The following PLCG1 variants were observed in gnomAD, a reference collection of about 807,000 sequenced individuals.
PLCG1 encodes phospholipase C gamma 1.
Under a neutral mutation model 177.8 loss-of-function variants are expected in PLCG1, and 71 were observed. That is an observed-to-expected ratio of 0.40 (90% confidence interval 0.33 to 0.49). PLCG1 has a LOEUF of 0.49. PLCG1 is among the 20% of genes least tolerant of loss of function. PLCG1 has a pLI of 0.72. For missense variants in PLCG1, 1,281 were observed against 1,709.0 expected (o/e 0.75, Z 4.42); for synonymous variants, 658 against 647.9 (o/e 1.02, Z -0.24).
chr20:41,142,330 C>T (rs2034856912), intron 1 of PLCG1, among the ~76,000 whole-genome samples: 1 of 152,226 alleles, frequency 6.6e-6, no homozygotes, highest in Admixed American at 6.5e-5. Context: ...TTGGAGACAG[C>T]TATAGCCCTA....
chr20:41,163,836 G>T lies in PLCG1; in HGVS notation c.1010+3G>T. ...TGGATCTCCTCCTCGCACAACACGT[G>T]AGTGTGGCTCCTTCAGGCCCACCCA... On this transcript the variant is annotated splice_donor_region_variant and intron_variant, in intron 10 of 31. Coordinates refer to ENST00000685551, the MANE Select transcript of PLCG1 (RefSeq NM_002660.3). The surrounding 1 kb of genome is among the most constrained non-coding windows in gnomAD (Gnocchi z 5.2). The T allele has an allele frequency of 6.2e-7, 1 of 1,611,632 alleles. No individual in the cohort carries two copies. The highest frequency in any genetic ancestry group is 8.5e-7 in the Non-Finnish European group (1 of 1,177,686).
rs6102295 is a variant in PLCG1 at position 41,167,032 on chromosome 20, G to A, written c.2301+173G>A. ...GGGTACCAGGAGGGTGTCTGCAGGA[G>A]GGGACATCTGAGCAGCATCTTTAAG... On this transcript the variant is annotated intron_variant, in intron 19 of 31. Coordinates refer to ENST00000685551, the MANE Select transcript of PLCG1 (RefSeq NM_002660.3). This position sits in a 1 kb window ranked among gnomAD's most constrained non-coding sequence, Gnocchi z 4.4. Among the ~76,000 whole-genome samples the A allele has an allele frequency of 0.047, 7,166 of 152,220 alleles. 564 individuals carry two copies. The highest frequency in any genetic ancestry group is 0.17 in the African/African-American group (6,868 of 41,492).
Position 41,165,864 on chromosome 20 carries a change from G to A in PLCG1, c.1799+38G>A, listed in dbSNP as rs8122204. 13,657 of 1,466,282 alleles carry A rather than the reference G, an allele frequency of 9.3e-3. 1,084 individuals are homozygous for A. In the African/African-American group the frequency reaches 0.17, roughly 18 times the overall value. 90.8% of individuals were successfully genotyped at this position (1,466,282 alleles called of 1,614,324 possible). On this transcript the variant is annotated intron_variant, in intron 16 of 31. Transcript: ENST00000685551. This position sits in a 1 kb window ranked among gnomAD's most constrained non-coding sequence, Gnocchi z 6.6. Reference sequence around the variant, plus strand: ...ATGCAGATGCGTATGTTCAGTCAGCGTGTGTACACAGACATCACATCACCC... The same window carrying A: ...ATGCAGATGCGTATGTTCAGTCAGCATGTGTACACAGACATCACATCACCC...
intron 24 of PLCG1, chr20:41,170,535 A>C (rs563301728): frequency 2.4e-6 from 1 of 408,954 alleles, no homozygotes; most frequent in South Asian, 3.5e-5. Flanking sequence ...ACAAGACCAG[A>C]GGTAAGAGGA....
At position 41,163,516 on chromosome 20, in the gene PLCG1, A is replaced by ATAC. The variant is rs1425698210; in HGVS notation, c.891+38_891+39insACT. ...GTTTCACCCATTTTTTGTCAAGAGA[A>ATAC]TGAGTAGGGGTGACCAGGACCCCAC... On this transcript the variant is annotated intron_variant, in intron 9 of 31. Transcript: ENST00000685551. The surrounding 1 kb of genome is among the most constrained non-coding windows in gnomAD (Gnocchi z 5.2). The ATAC allele has an allele frequency of 6.8e-7, 1 of 1,476,412 alleles. No individual in the cohort carries two copies. The highest frequency in any genetic ancestry group is 1.4e-5 in the African/African-American group (1 of 72,360). The allele number at this position is 1,476,412 out of a possible 1,614,324, so 91.5% of individuals were successfully genotyped here.
rs1242360409 is a variant in PLCG1 at position 41,166,518 on chromosome 20, G to A, written c.2043G>A (p.Met681Ile). Residue 681 changes from methionine (M) to isoleucine (I), a missense_variant, in exon 18 of 32, where the codon ATG becomes ATA. By Grantham distance (10) the Met-to-Ile change is conservative (BLOSUM62 1). Transcript: ENST00000685551. This position sits in a 1 kb window ranked among gnomAD's most constrained non-coding sequence, Gnocchi z 8.6. ...ASLTRAQAEH[M>I]LMRVPRDGAF... ...TGACCAGAGCACAGGCTGAGCACAT[G>A]CTAATGCGCGTCCCTCGTGATGGGG... 1.2e-6 allele frequency: 2 copies of A among 1,614,146 alleles called. No homozygotes were observed. The highest frequency in any genetic ancestry group is 2.2e-5 in the South Asian group (2 of 91,090).
intron 20 of PLCG1, 148 bp downstream of exon 20, chr20:41,168,077 G>GT: frequency 1.5e-6 from 1 of 659,098 alleles, no homozygotes; most frequent in Non-Finnish European, 2.7e-6. Flanking sequence ...GAGATGTGTG[G>GT]TTGGTGAGCG....
intron 1 of PLCG1, among the ~76,000 whole-genome samples, chr20:41,152,044 A>G (rs2035182435): frequency 6.6e-6 from 1 of 152,134 alleles, no homozygotes; most frequent in African/African-American, 2.4e-5. Context: ...TTCTTTGTCC[A>G]TCTTTCAGCA....
intron 1 of PLCG1, among the ~76,000 whole-genome samples, chr20:41,154,940 A>G (rs2035273199): frequency 6.6e-6 from 1 of 152,220 alleles, no homozygotes; most frequent in African/African-American, 2.4e-5. Flanking sequence ...AAGGGAAAGC[A>G]ACTGCCATTA....
chr20:41,165,212 G>A lies in PLCG1; in HGVS notation c.1387-33G>A. On this transcript the variant is annotated intron_variant, in intron 13 of 31. Coordinates refer to ENST00000685551, the MANE Select transcript of PLCG1 (RefSeq NM_002660.3). This position sits in a 1 kb window ranked among gnomAD's most constrained non-coding sequence, Gnocchi z 6.6. ...GTGAGGAGGTGGGGTGAGGACTGGG[G>A]TCTGCATTGCCCTGTTCTGGTTGCC... 1.2e-6 allele frequency: 2 copies of A among 1,612,844 alleles called. No individual in the cohort carries two copies. Among genetic ancestry groups the A allele is most frequent in the Non-Finnish European group, 8.5e-7 (1 of 1,179,352 alleles).
At position 41,157,005 on chromosome 20, in the gene PLCG1, C is replaced by G. The variant is rs2035341776; in HGVS notation, c.218-2601C>G. Among the ~76,000 whole-genome samples the G allele has an allele frequency of 6.6e-6, 1 of 152,230 alleles. No homozygotes were observed. The highest frequency in any genetic ancestry group is 1.5e-5 in the Non-Finnish European group (1 of 68,044). ...GGCTTTCAAGAACCTAGTAGAGCAT[C>G]TCACTGTGCTGCCAGGGCCAGGCTG... On this transcript the variant is annotated intron_variant, in intron 1 of 31. Transcript: ENST00000685551. The surrounding 1 kb of genome is among the most constrained non-coding windows in gnomAD (Gnocchi z 5.4).
At position 41,162,737 on chromosome 20, in the gene PLCG1, ACCTGCCCTCCCTCAACC is replaced by A; in HGVS notation, c.681+20_681+36del. 1 of 1,601,780 alleles carries A rather than the reference ACCTGCCCTCCCTCAACC, an allele frequency of 6.2e-7. No individual in the cohort carries two copies. The highest frequency in any genetic ancestry group is 8.5e-7 in the Non-Finnish European group (1 of 1,172,146). ...GCGCCCAGAAGACGGTGCATGAGCC[ACCTGCCCTCCCTCAACC>A]CCTGCCCCTGCTCTTCCACCCCACA... is the stretch of plus-strand genomic sequence containing the variant. On this transcript the variant is annotated intron_variant, in intron 6 of 31. Transcript: ENST00000685551.
chr20:41,165,207 C>A lies in PLCG1; in HGVS notation c.1387-38C>A, dbSNP rs35360750. On this transcript the variant is annotated intron_variant, in intron 13 of 31. Coordinates refer to ENST00000685551, the MANE Select transcript of PLCG1 (RefSeq NM_002660.3). The surrounding 1 kb of genome is among the most constrained non-coding windows in gnomAD (Gnocchi z 6.6). ...CCTGGGTGAGGAGGTGGGGTGAGGA[C>A]TGGGGTCTGCATTGCCCTGTTCTGG... 2,382 of 1,611,978 alleles carry A rather than the reference C, an allele frequency of 1.5e-3. 31 individuals carry two copies. In the African/African-American group the frequency reaches 0.029, roughly 19 times the overall value.
chr20:41,172,667 A>G lies in PLCG1; in HGVS notation c.3130+22A>G. 6.2e-7 allele frequency: 1 copy of G among 1,612,726 alleles called. No homozygotes were observed. The highest frequency in any genetic ancestry group is 8.5e-7 in the Non-Finnish European group (1 of 1,178,986). ...CCTGGTGAGGAAGTCCCCTGTGAGGAGGGTGAGGAGGGGCACTGTGGGGCA... is the reference window on the plus strand; with the variant it reads ...CCTGGTGAGGAAGTCCCCTGTGAGGGGGGTGAGGAGGGGCACTGTGGGGCA... On this transcript the variant is annotated intron_variant, in intron 26 of 31. Coordinates refer to ENST00000685551, the MANE Select transcript of PLCG1 (RefSeq NM_002660.3). This position sits in a 1 kb window ranked among gnomAD's most constrained non-coding sequence, Gnocchi z 7.0.
intron 21 of PLCG1, 45 bp from the exon 22 acceptor site, chr20:41,169,034 A>G (rs573947164): frequency 2.1e-6 from 3 of 1,454,374 alleles, no homozygotes; most frequent in East Asian, 4.5e-5. Context: ...TCCTCATGGG[A>G]GTTCGGGGTG....
intron 1 of PLCG1, among the ~76,000 whole-genome samples, chr20:41,158,802 A>C (rs956146067): frequency 6.6e-6 from 1 of 152,204 alleles, no homozygotes; most frequent in African/African-American, 2.4e-5. Context: ...CCTGCCTTCT[A>C]GAGAAACTCA....
rs56012336 is a variant in PLCG1 at position 41,174,027 on chromosome 20, G to C, written c.3645+16G>C. ...CCCTGCCAAGGTATCTGCAGCAGGG[G>C]TGGGCTGGCCTGGGGTAGGTGGGAG... On this transcript the variant is annotated intron_variant, in intron 30 of 31. Coordinates refer to ENST00000685551, the MANE Select transcript of PLCG1 (RefSeq NM_002660.3). The surrounding 1 kb of genome is among the most constrained non-coding windows in gnomAD (Gnocchi z 5.8). The C allele has an allele frequency of 0.014, 22,301 of 1,611,676 alleles. 175 individuals are homozygous for C. Among genetic ancestry groups the C allele is most frequent in the Non-Finnish European group, 0.017 (19,440 of 1,177,926 alleles).
Position 41,165,430 on chromosome 20 carries a change from C to T in PLCG1, c.1510-20C>T, listed in dbSNP as rs2035649874. 2 of 1,613,760 alleles carry T rather than the reference C, an allele frequency of 1.2e-6. No homozygotes were observed. The highest frequency in any genetic ancestry group is 1.7e-5 in the Admixed American group (1 of 60,012). ...GGTGTGAGGACCCTGGCTCACAAGTCCCTCTTTGGTCTGTTCCAGGAATGG... is the reference window on the plus strand; with the variant it reads ...GGTGTGAGGACCCTGGCTCACAAGTTCCTCTTTGGTCTGTTCCAGGAATGG... On this transcript the variant is annotated intron_variant, in intron 14 of 31. Transcript: ENST00000685551. The surrounding 1 kb of genome is among the most constrained non-coding windows in gnomAD (Gnocchi z 6.6).
In PLCG1 at chr20:41,162,322, G is replaced by A. The variant is rs1409656570; in HGVS notation, c.513-130G>A. ...ACCTCACCCCATGGGTTCTGATCCA[G>A]TCTTGCCCTCAGGCCTCCAGGTTCC... is the stretch of plus-strand genomic sequence containing the variant. On this transcript the variant is annotated intron_variant, in intron 4 of 31. Coordinates refer to ENST00000685551, the MANE Select transcript of PLCG1 (RefSeq NM_002660.3). 5 of 475,064 alleles carry A rather than the reference G, an allele frequency of 1.1e-5. No individual in the cohort carries two copies. The Admixed American group carries it at 1.3e-4, about 13-fold the overall frequency. 29.4% of individuals were successfully genotyped at this position (475,064 alleles called of 1,614,324 possible).
Sources: allele counts gnomAD v4.1 joint callset (sites outside exome capture counted in the v4.1 genomes callset), GRCh38; gene constraint gnomAD v4.1.1; non-coding constraint Gnocchi (gnomAD v3.1); transcripts MANE v1.5; gene names NCBI Gene and HGNC (gene_info 2026-07-23, HGNC 2026-07-21).